The following ISY1 variants were observed in gnomAD, a reference collection of about 807,000 sequenced individuals.
The protein encoded by ISY1 is ISY1 spliceosome associated protein.
Under a neutral mutation model 54.4 loss-of-function variants are expected in ISY1, and 12 were observed. The ratio of observed to expected loss-of-function variants is 0.22; its 90% CI spans 0.14 to 0.36. The LOEUF is 0.36. Among genes scored for constraint, ISY1 ranks in the 10% least tolerant of loss-of-function variants. The pLI is 1.00. For synonymous variants in ISY1, 96 were observed against 117.9 expected (o/e 0.81, Z 1.20); for missense variants, 282 against 342.2 (o/e 0.82, Z 1.39).
chr3:129,160,875 A>T, intron 1 of ISY1, 98 bp downstream of exon 1: 1 of 1,440,632 alleles, frequency 6.9e-7, no homozygotes, highest in Non-Finnish European at 9.5e-7. Flanking sequence ...TCAGCACTGC[A>T]CGTCTGAGCC....
rs113443810 is a variant in ISY1, at chr3:129,141,193, TTAAATAAATAAA to T, written c.301-720_301-709del. ...GTACTCCAGCCAGGGCTGGAGTAAA[TTAAATAAATAAA>T]TAAATAAATAAATAAATAAATAAAT... On this transcript the variant is annotated intron_variant, in intron 6 of 10. Coordinates refer to ENST00000393295, the MANE Select transcript of ISY1 (RefSeq NM_020701.4). Among the ~76,000 whole-genome samples, 102 of 139,702 alleles carry T rather than the reference TTAAATAAATAAA, an allele frequency of 7.3e-4. 5 individuals are homozygous for T. Among genetic ancestry groups the T allele is most frequent in the East Asian group, 4.8e-3 (22 of 4,574 alleles). 91.6% of individuals were successfully genotyped at this position (139,702 alleles called of 152,430 possible).
At chr3:129,157,744 G>T (rs186007189) in intron 3 of ISY1, among the ~76,000 whole-genome samples, 27 of 147,852 alleles carry the variant, frequency 1.8e-4, no homozygotes, top group African/African-American at 5.5e-4. Flanking sequence ...AAAAAGGGCC[G>T]GGCCCAGTCA....
chr3:129,158,483 A>G (rs1403483934), intron 3 of ISY1, 25 bp downstream of exon 3: 2 of 1,613,018 alleles, frequency 1.2e-6, no homozygotes, highest in Non-Finnish European at 1.7e-6. Context: ...ATACTTTACA[A>G]TTCATGAGGA....
At chr3:129,152,277 G>A (rs1458248504) in intron 5 of ISY1, among the ~76,000 whole-genome samples, 1 of 152,156 alleles carries the variant, frequency 6.6e-6, no homozygotes, top group East Asian at 1.9e-4. Flanking sequence ...CATCTACTTA[G>A]ATCATACAGT....
intron 7 of ISY1, among the ~76,000 whole-genome samples, chr3:129,138,649 CA>C (rs1282838509): frequency 7.0e-6 from 1 of 143,782 alleles, no homozygotes. Flanking sequence ...ATCTCAAAAA[CA>C]AAAAAAAGAT....
intron 5 of ISY1, among the ~76,000 whole-genome samples, chr3:129,154,242 C>CAAAAAA (rs777277943): frequency 2.1e-5 from 1 of 47,806 alleles, no homozygotes; most frequent in Non-Finnish European, 4.4e-5. Flanking sequence ...GACTCTGTCT[C>CAAAAAA]AAAAAAAAAA....
chr3:129,156,351 A>T (rs1489694558), intron 5 of ISY1, among the ~76,000 whole-genome samples: 2 of 148,128 alleles, frequency 1.4e-5, no homozygotes, highest in Non-Finnish European at 3.0e-5. Flanking sequence ...GTGAGCCGAG[A>T]TCGCACCACT....
At chr3:129,145,711 G>C (rs1275634218) in intron 6 of ISY1, 50 bp downstream of exon 6, 1 of 1,575,954 alleles carries the variant, frequency 6.3e-7, no homozygotes, top group African/African-American at 1.4e-5. Flanking sequence ...GGGAACTGCT[G>C]TGGGTGGAAA....
intron 5 of ISY1, among the ~76,000 whole-genome samples, chr3:129,153,116 T>G (rs1358365457): frequency 6.6e-6 from 1 of 151,672 alleles, no homozygotes; most frequent in Non-Finnish European, 1.5e-5. Context: ...TTAAAGTGAT[T>G]CTCCTGCCTC....
At chr3:129,140,303 A>G (rs1936568287) in intron 7 of ISY1, 65 bp downstream of exon 7, 1 of 1,401,308 alleles carries the variant, frequency 7.1e-7, no homozygotes, top group African/African-American at 1.4e-5. Flanking sequence ...AGCAGTTAGC[A>G]TATAGCATAT....
intron 7 of ISY1, among the ~76,000 whole-genome samples, chr3:129,136,069 T>G (rs1327562052): frequency 6.6e-6 from 1 of 151,428 alleles, no homozygotes; most frequent in Non-Finnish European, 1.5e-5. Flanking sequence ...AAAGAAGATA[T>G]TTTCAGACTA....
chr3:129,160,918 G>GCCCCACCC, intron 1 of ISY1, 55 bp downstream of exon 1: 2 of 666,126 alleles, frequency 3.0e-6, no homozygotes, highest in Non-Finnish European at 5.5e-6. Flanking sequence ...TGGACTGGGC[G>GCCCCACCC]CCCCCCCGCC....
At chr3:129,157,449 G>A (rs951530153) in intron 3 of ISY1, among the ~76,000 whole-genome samples, 3 of 152,090 alleles carry the variant, frequency 2.0e-5, no homozygotes, top group South Asian at 2.1e-4. Flanking sequence ...GGCTGGGCAC[G>A]GCGGTTCATC....
chr3:129,159,904 A>T (rs961825811), intron 1 of ISY1, among the ~76,000 whole-genome samples: 2 of 152,236 alleles, frequency 1.3e-5, no homozygotes, highest in African/African-American at 2.4e-5. Context: ...AATCGAGTTC[A>T]ATTTAAATCT....
At chr3:129,136,148 C>T (rs1265526509) in intron 7 of ISY1, among the ~76,000 whole-genome samples, 1 of 151,648 alleles carries the variant, frequency 6.6e-6, no homozygotes, top group African/African-American at 2.4e-5. Flanking sequence ...CTTGTCCAGG[C>T]TGGAGTGCAA....
At chr3:129,159,235 C>A in intron 1 of ISY1, 59 bp from the exon 2 acceptor site, 1 of 1,575,980 alleles carries the variant, frequency 6.3e-7, no homozygotes, top group Non-Finnish European at 8.6e-7. Flanking sequence ...TTTTTCTTGC[C>A]CTTTACTTTT....
chr3:129,149,788 C>CA (rs369302599), intron 5 of ISY1, among the ~76,000 whole-genome samples: 41 of 83,562 alleles, frequency 4.9e-4, no homozygotes, highest in African/African-American at 1.4e-3. Context: ...GACTCCAACT[C>CA]AAAAAAAAAA....
In ISY1 at chr3:129,158,501, C is replaced by A. The variant is rs926094474; in HGVS notation, c.78+7G>T. Reference sequence around the variant, plus strand: ...CTTTACAATTCATGAGGAAGATTTACACCAACCTTCACTTTTCCCTCTTCC... The same window carrying A: ...CTTTACAATTCATGAGGAAGATTTAAACCAACCTTCACTTTTCCCTCTTCC... On this transcript the variant is annotated splice_region_variant and intron_variant, in intron 3 of 10. Coordinates refer to ENST00000393295, the MANE Select transcript of ISY1 (RefSeq NM_020701.4). 1 of 1,613,580 alleles carries A rather than the reference C, an allele frequency of 6.2e-7. No individual in the cohort carries two copies. The highest frequency in any genetic ancestry group is 8.5e-7 in the Non-Finnish European group (1 of 1,179,952).
chr3:129,160,922 C>CGGGGGGGG, intron 1 of ISY1, 51 bp downstream of exon 1: 2 of 586,754 alleles, frequency 3.4e-6, no homozygotes, highest in Non-Finnish European at 6.3e-6. Flanking sequence ...CTGGGCGCCC[C>CGGGGGGGG]CCCGCCCGCC....
Sources: gnomAD v4.1 joint callset for allele counts (sites outside exome capture counted in the v4.1 genomes callset) on GRCh38, gnomAD v4.1.1 for gene constraint, MANE v1.5 for transcripts, NCBI Gene and HGNC (gene_info 2026-07-23, HGNC 2026-07-21) for gene names.